The following NCS1 variants were observed in gnomAD, a reference collection of about 807,000 sequenced individuals.
NCS1 encodes the protein frequenin homolog.
Under a neutral mutation model 28.4 loss-of-function variants are expected in NCS1, and 6 were observed. That is an observed-to-expected ratio of 0.21 (90% CI 0.12 to 0.42). NCS1 has a LOEUF of 0.42. Ranked by LOEUF, NCS1 falls within the 10% of genes least tolerant of loss-of-function variation. The pLI, the probability that NCS1 is intolerant of heterozygous loss-of-function variation, is 1.00. For missense variants in NCS1, 131 were observed against 241.4 expected (o/e 0.54, Z 3.03); for synonymous variants, 86 against 99.3 (o/e 0.87, Z 0.79).
intron 2 of NCS1, among the ~76,000 whole-genome samples, chr9:130,202,172 G>A (rs1382859554): frequency 1.3e-5 from 2 of 152,240 alleles, no homozygotes; most frequent in Non-Finnish European, 2.9e-5. Context: ...GCCTGGTTCA[G>A]TCTGGCCCTG....
intron 2 of NCS1, among the ~76,000 whole-genome samples, chr9:130,203,305 G>A (rs1411758007): frequency 2.0e-5 from 3 of 151,942 alleles, no homozygotes; most frequent in Non-Finnish European, 2.9e-5. Flanking sequence ...TTGTAGAGAC[G>A]GGGTTTTGCC....
intron 1 of NCS1, among the ~76,000 whole-genome samples, chr9:130,176,202 T>TTCTTTCTTTCTTTCTTTC (rs1816034257): frequency 2.6e-5 from 2 of 77,972 alleles, no homozygotes; most frequent in African/African-American, 4.4e-5. Flanking sequence ...TTCTTTTTTT[T>TTCTTTCTTTCTTTCTTTC]TTTTTTTGGA....
At chr9:130,199,408 T>G (rs545838119) in intron 1 of NCS1, among the ~76,000 whole-genome samples, 12 of 152,324 alleles carry the variant, frequency 7.9e-5, no homozygotes, top group African/African-American at 2.6e-4. Context: ...CCTCTCTTTT[T>G]ATCTGAGGCC....
chr9:130,206,702 G>A (rs1284704279), intron 2 of NCS1, among the ~76,000 whole-genome samples: 2 of 152,038 alleles, frequency 1.3e-5, no homozygotes, highest in Admixed American at 1.3e-4. Context: ...GAGCCACCGC[G>A]CCCGGCCCCG....
At chr9:130,228,500 A>G (rs868960867) in intron 7 of NCS1, among the ~76,000 whole-genome samples, 3 of 151,974 alleles carry the variant, frequency 2.0e-5, no homozygotes, top group Non-Finnish European at 4.4e-5. Context: ...CTGAGATTAC[A>G]GGTGTGAGCC....
intron 2 of NCS1, among the ~76,000 whole-genome samples, chr9:130,207,193 A>G (rs1239007061): frequency 6.6e-6 from 1 of 152,160 alleles, no homozygotes; most frequent in African/African-American, 2.4e-5. Context: ...CTGCCTGCCT[A>G]TGCTGGCTCT....
intron 1 of NCS1, among the ~76,000 whole-genome samples, chr9:130,178,103 TCTC>T (rs1436158055): frequency 6.6e-6 from 1 of 152,160 alleles, no homozygotes; most frequent in Non-Finnish European, 1.5e-5. Context: ...CCTCAAGTGA[TCTC>T]CTCCCATCTC....
intron 4 of NCS1, among the ~76,000 whole-genome samples, chr9:130,221,389 TATATATATATATATATATATATATAG>T (rs1833287842): frequency 4.1e-5 from 1 of 24,406 alleles, no homozygotes; most frequent in South Asian, 1.6e-3. Flanking sequence ...TATATATATA[TATATATATATATATATATATATATAG>T]AGAGAGAGAG....
At chr9:130,211,553 T>A (rs1833112508) in intron 2 of NCS1, among the ~76,000 whole-genome samples, 1 of 151,320 alleles carries the variant, frequency 6.6e-6, no homozygotes, top group African/African-American at 2.4e-5. Flanking sequence ...GTGGAAGAAA[T>A]CAGGTCCGCG....
chr9:130,203,988 A>C (rs545113301), intron 2 of NCS1, among the ~76,000 whole-genome samples: 2 of 152,122 alleles, frequency 1.3e-5, no homozygotes, highest in Non-Finnish European at 2.9e-5. Context: ...TTATTTAAAA[A>C]ATTTTTTTTC....
intron 1 of NCS1, among the ~76,000 whole-genome samples, chr9:130,185,201 C>G (rs1832722859): frequency 6.6e-6 from 1 of 152,254 alleles, no homozygotes; most frequent in Non-Finnish European, 1.5e-5. Context: ...CATAGTCCCC[C>G]TTGATTCAGC....
rs1390917295 is a variant in NCS1, at chr9:130,177,682, G to A, written c.64+4955G>A. Among the ~76,000 whole-genome samples, 4 of 152,216 alleles carry A rather than the reference G, an allele frequency of 2.6e-5. No homozygotes were observed. Among genetic ancestry groups the A allele is most frequent in the Admixed American group, 6.5e-5 (1 of 15,288 alleles). The stretch of plus-strand genomic sequence containing the variant: ...GCGGTGCGGGGCTGGGTCCTCACTC[G>A]GCCTTGGTGACCTTGGGGAAGTCCC... On this transcript the variant is annotated intron_variant, in intron 1 of 7. Transcript: ENST00000372398. This position sits in a 1 kb window ranked among gnomAD's most constrained non-coding sequence, Gnocchi z 4.4.
rs559217083 is a variant in NCS1, at chr9:130,181,765, C to T, written c.64+9038C>T. Among the ~76,000 whole-genome samples the T allele has an allele frequency of 5.3e-5, 8 of 152,136 alleles. No individual in the cohort carries two copies. The East Asian group carries it at 5.8e-4, about 11-fold the overall frequency. On this transcript the variant is annotated intron_variant, in intron 1 of 7. Coordinates refer to ENST00000372398, the MANE Select transcript of NCS1 (RefSeq NM_014286.4). The surrounding 1 kb of genome is among the most constrained non-coding windows in gnomAD (Gnocchi z 5.0). Reference sequence around the variant, plus strand: ...GGTGTTGCAGGCAGGGCGGGTGCTGCGGGGCACGTGGGCAAGTCCCGATTC... The same window carrying T: ...GGTGTTGCAGGCAGGGCGGGTGCTGTGGGGCACGTGGGCAAGTCCCGATTC...
At chr9:130,187,265 G>A (rs868957899) in intron 1 of NCS1, among the ~76,000 whole-genome samples, 2 of 152,170 alleles carry the variant, frequency 1.3e-5, no homozygotes, top group Admixed American at 6.5e-5. Flanking sequence ...TGATGTGTCC[G>A]AGTCTGTGCC....
chr9:130,222,040 T>TATAAATATATATA lies in NCS1; in HGVS notation c.308-610_308-609insATAAATATATATA, dbSNP rs1554910604. ...TATATACATAAATATAAATTATGTATCTATAAATATATATACATAAATATA... is the reference window on the plus strand; with the variant it reads ...TATATACATAAATATAAATTATGTATATAAATATATATACTATAAATATATATACATAAATATA... On this transcript the variant is annotated intron_variant, in intron 4 of 7. Transcript: ENST00000372398. Among the ~76,000 whole-genome samples, 577 of 12,902 alleles carry TATAAATATATATA rather than the reference T, an allele frequency of 0.045. 242 individuals are homozygous for TATAAATATATATA. In the East Asian group the frequency reaches 0.53, roughly 12 times the overall value. 8.5% of individuals were successfully genotyped at this position (12,902 alleles called of 152,430 possible).
intron 2 of NCS1, among the ~76,000 whole-genome samples, chr9:130,207,135 C>T (rs1449968147): frequency 1.3e-5 from 2 of 152,212 alleles, no homozygotes; most frequent in South Asian, 2.1e-4. Context: ...CACACGGGTC[C>T]GAGCCCCTGG....
At position 130,174,790 on chromosome 9, in the gene NCS1, CA is replaced by C. The variant is rs34473694; in HGVS notation, c.64+2080del. 1.2e-3 allele frequency among the ~76,000 whole-genome samples: 111 copies of C among 91,574 alleles called. 1 individual carries two copies. The highest frequency in any genetic ancestry group is 1.3e-3 in the African/African-American group (25 of 19,664). 60.1% of individuals were successfully genotyped at this position (91,574 alleles called of 152,430 possible). On this transcript the variant is annotated intron_variant, in intron 1 of 7. Transcript: ENST00000372398. ...TGCTCCAAGAGGGAAACTCTGTCTC[CA>C]AAAAAAAAAAAAAAAAGCTCTGCTG...
chr9:130,211,106 G>A (rs1554908749), intron 2 of NCS1, among the ~76,000 whole-genome samples: 1 of 147,030 alleles, frequency 6.8e-6, no homozygotes, highest in African/African-American at 2.5e-5. Flanking sequence ...TCCTGCTTCG[G>A]CCTCCCAAAG....
chr9:130,183,150 G>A (rs1393507442), intron 1 of NCS1, among the ~76,000 whole-genome samples: 1 of 152,240 alleles, frequency 6.6e-6, no homozygotes, highest in African/African-American at 2.4e-5. Context: ...TCGGGGAAGG[G>A]GGACAGCCAG....
Sources: allele counts gnomAD v4.1 joint callset (sites outside exome capture counted in the v4.1 genomes callset), GRCh38; gene constraint gnomAD v4.1.1; non-coding constraint Gnocchi (gnomAD v3.1); transcripts MANE v1.5; gene names NCBI Gene and HGNC (gene_info 2026-07-23, HGNC 2026-07-21).